The following JAK2 variants were observed in gnomAD, a reference collection of about 807,000 sequenced individuals.
JAK2 encodes tyrosine-protein kinase JAK2.
In JAK2, 86 loss-of-function variants were observed where a neutral mutation model predicts 139.3. The observed-to-expected ratio is 0.62, with a 90% CI of 0.52 to 0.74. JAK2 has a LOEUF of 0.74. JAK2 is among the 30% of genes least tolerant of loss of function. The probability of loss-of-function intolerance (pLI) is 0.00; values close to 1 mark genes in which losing one functional copy is unlikely to be tolerated. For synonymous variants in JAK2, 490 were observed against 437.7 expected (o/e 1.12, Z -1.49); for missense variants, 1,421 against 1,360.3 (o/e 1.04, Z -0.70).
chr9:4,999,956 A>G (rs868350972), intron 2 of JAK2, among the ~76,000 whole-genome samples: 1 of 152,180 alleles, frequency 6.6e-6, no homozygotes, highest in Non-Finnish European at 1.5e-5. Flanking sequence ...GGGTATTGGC[A>G]TTCTTCTTGT....
chr9:5,075,512 C>T (rs1251396823), intron 14 of JAK2, among the ~76,000 whole-genome samples: 2 of 152,298 alleles, frequency 1.3e-5, no homozygotes, highest in Non-Finnish European at 2.9e-5. Flanking sequence ...GTCTACTCTG[C>T]CTGTGCTCTA....
At chr9:5,070,336 G>C (rs937419930) in intron 12 of JAK2, among the ~76,000 whole-genome samples, 1 of 151,672 alleles carries the variant, frequency 6.6e-6, no homozygotes, top group Non-Finnish European at 1.5e-5. Flanking sequence ...GACCTATATC[G>C]CAACTCCCAA....
chr9:5,096,465 T>C (rs1232632526), intron 22 of JAK2, among the ~76,000 whole-genome samples: 2 of 152,132 alleles, frequency 1.3e-5, no homozygotes, highest in East Asian at 1.9e-4. Context: ...AATACCCTAA[T>C]CAACTGGCTT....
chr9:5,087,264 G>A (rs907773251), intron 19 of JAK2, among the ~76,000 whole-genome samples: 1 of 152,182 alleles, frequency 6.6e-6, no homozygotes, highest in Non-Finnish European at 1.5e-5. Flanking sequence ...CCTCTTCACA[G>A]GGCAGCAGGA....
chr9:5,070,063 A>T lies in JAK2; in HGVS notation c.1641+11A>T. On this transcript the variant is annotated intron_variant, in intron 12 of 24. Coordinates refer to ENST00000381652, the MANE Select transcript of JAK2 (RefSeq NM_004972.4). Reference sequence around the variant, plus strand: ...GAAGATTTGATATTTGTAAGTCATTAGATACTCATTACTGTCTTTTTTGTC... The same window carrying T: ...GAAGATTTGATATTTGTAAGTCATTTGATACTCATTACTGTCTTTTTTGTC... The T allele has an allele frequency of 1.3e-6, 2 of 1,586,108 alleles. No individual in the cohort carries two copies. Among genetic ancestry groups the T allele is most frequent in the Non-Finnish European group, 1.7e-6 (2 of 1,161,938 alleles).
chr9:5,042,982 C>T (rs1245310849), intron 4 of JAK2, among the ~76,000 whole-genome samples: 1 of 152,212 alleles, frequency 6.6e-6, no homozygotes, highest in Non-Finnish European at 1.5e-5. Context: ...CCCTCAGAAG[C>T]TGAGGGGGGT....
rs529156105 is a variant in JAK2 at position 5,080,448 on chromosome 9, G to C, written c.2283+68G>C. The C allele has an allele frequency of 3.3e-6, 5 of 1,537,884 alleles. No individual in the cohort carries two copies. The African/African-American group carries it at 4.2e-5, about 13-fold the overall frequency. On this transcript the variant is annotated intron_variant, in intron 17 of 24. Coordinates refer to ENST00000381652, the MANE Select transcript of JAK2 (RefSeq NM_004972.4). ...CTTTCATATTTCTTTCACATGATTT[G>C]TATTTTTTAGCCCATCTAATTTTAA...
intron 4 of JAK2, chr9:5,041,151 C>A: frequency 1.8e-6 from 2 of 1,129,478 alleles, no homozygotes; most frequent in South Asian, 1.3e-5. Flanking sequence ...CGGCTGATCA[C>A]GCGCATGGAT....
At position 5,029,845 on chromosome 9, in the gene JAK2, C is replaced by G. The variant is rs1823027113; in HGVS notation, c.289C>G (p.Pro97Ala). The change falls in exon 4 of 25, where the codon CCA becomes GCA. Residue 97 changes from proline to alanine, a missense_variant. Transcript: ENST00000381652. ...GAGTGAAACAGAAAGGATCTGGTAT[C>G]CACCCAACCATGTCTTCCATATAGA... ...LMSETERIWY[P>A]PNHVFHIDES... The G allele has an allele frequency of 2.5e-6, 4 of 1,610,418 alleles. No homozygotes were observed. Among genetic ancestry groups the G allele is most frequent in the Non-Finnish European group, 3.4e-6 (4 of 1,177,076 alleles).
chr9:5,085,036 G>C (rs984104795), intron 19 of JAK2: 8 of 798,792 alleles, frequency 1.0e-5, no homozygotes, highest in African/African-American at 6.9e-5. Context: ...AGTTGAATGA[G>C]GGCGTCTCTT....
At chr9:5,037,607 A>T (rs539868631) in intron 4 of JAK2, among the ~76,000 whole-genome samples, 2 of 152,322 alleles carry the variant, frequency 1.3e-5, no homozygotes, top group African/African-American at 4.8e-5. Flanking sequence ...TATCGCAAGG[A>T]CAAAAAACCA....
intron 22 of JAK2, chr9:5,112,314 C>T (rs1586819930): frequency 1.4e-5 from 4 of 277,682 alleles, no homozygotes; most frequent in East Asian, 1.9e-4. Context: ...TCCAGCTAGC[C>T]AGGCGCCCTC....
At chr9:5,070,619 T>C (rs1818896034) in intron 12 of JAK2, among the ~76,000 whole-genome samples, 1 of 152,136 alleles carries the variant, frequency 6.6e-6, no homozygotes, top group South Asian at 2.1e-4. Flanking sequence ...ACTTGCTGTG[T>C]CACCCAGGCT....
chr9:4,988,626 T>C (rs1016451494), intron 2 of JAK2, among the ~76,000 whole-genome samples: 1 of 152,238 alleles, frequency 6.6e-6, no homozygotes, highest in Admixed American at 6.5e-5. Flanking sequence ...CAGCTGATCA[T>C]GGCTTAATAT....
chr9:5,004,105 A>C (rs1470680647), intron 2 of JAK2, among the ~76,000 whole-genome samples: 1 of 152,294 alleles, frequency 6.6e-6, no homozygotes, highest in South Asian at 2.1e-4. Flanking sequence ...TCTAATTAAC[A>C]TATGTATCAC....
intron 2 of JAK2, among the ~76,000 whole-genome samples, chr9:5,001,853 G>C (rs1045733201): frequency 1.3e-5 from 2 of 151,952 alleles, no homozygotes; most frequent in African/African-American, 2.4e-5. Flanking sequence ...ATTTATTGAA[G>C]AGATATGATA....
intron 12 of JAK2, among the ~76,000 whole-genome samples, chr9:5,071,025 A>G (rs577420936): frequency 2.6e-5 from 4 of 152,128 alleles, no homozygotes; most frequent in Non-Finnish European, 5.9e-5. Context: ...GAAAAGGAAT[A>G]TTGTCATTTT....
At chr9:5,069,625 T>G (rs1818807489) in intron 11 of JAK2, among the ~76,000 whole-genome samples, 1 of 152,100 alleles carries the variant, frequency 6.6e-6, no homozygotes, top group African/African-American at 2.4e-5. Context: ...CCTGAAAAAT[T>G]GTATGAGTTA....
rs148274340 is a variant in JAK2 at position 5,121,975 on chromosome 9, A to G, written c.3060-1029A>G. Among the ~76,000 whole-genome samples, 300 of 152,010 alleles carry G rather than the reference A, an allele frequency of 2.0e-3. 4 individuals carry two copies. Among genetic ancestry groups the G allele is most frequent in the Admixed American group, 0.018 (281 of 15,282 alleles). On this transcript the variant is annotated intron_variant, in intron 22 of 24. Transcript: ENST00000381652. Reference sequence around the variant, plus strand: ...AAACTAACATACATTTGATAATAACATAACTAGATATGTAAAATTTGTAAA... The same window carrying G: ...AAACTAACATACATTTGATAATAACGTAACTAGATATGTAAAATTTGTAAA...
Sources: allele counts gnomAD v4.1 joint callset (sites outside exome capture counted in the v4.1 genomes callset), GRCh38; gene constraint gnomAD v4.1.1; transcripts MANE v1.5; gene names NCBI Gene and HGNC (gene_info 2026-07-23, HGNC 2026-07-21).